The following B3GALT1 variants were observed in gnomAD, a reference collection of about 807,000 sequenced individuals.
B3GALT1 encodes beta-1,3-galactosyltransferase 1.
B3GALT1 carries 10 observed loss-of-function variants against 23.2 expected under a neutral mutation model. The ratio of observed to expected loss-of-function variants is 0.43; its 90% confidence interval spans 0.27 to 0.73. The LOEUF (loss-of-function observed/expected upper bound fraction) is 0.73, where lower values mean the gene tolerates loss of function less well. B3GALT1 is among the 30% of genes least tolerant of loss of function. The pLI is 0.21. For synonymous variants in B3GALT1, 156 were observed against 141.5 expected (o/e 1.10, Z -0.73); for missense variants, 299 against 405.4 (o/e 0.74, Z 2.25).
At chr2:167,375,572 T>G (rs753589531) in intron 1 of B3GALT1, among the ~76,000 whole-genome samples, 10 of 152,188 alleles carry the variant, frequency 6.6e-5, no homozygotes, top group Non-Finnish European at 1.3e-4. Flanking sequence ...GTTAGATATA[T>G]TCCTAGGTAT....
chr2:167,400,347 C>T (rs1197177607), intron 1 of B3GALT1, among the ~76,000 whole-genome samples: 2 of 151,998 alleles, frequency 1.3e-5, no homozygotes, highest in African/African-American at 4.8e-5. Context: ...TTTCCTCTGT[C>T]TTCCTTTTCC....
At chr2:167,567,109 C>A (rs1017093299) in intron 2 of B3GALT1, among the ~76,000 whole-genome samples, 3 of 151,998 alleles carry the variant, frequency 2.0e-5, no homozygotes, top group African/African-American at 7.3e-5. Context: ...AATGATGATC[C>A]CCTTCCTGTA....
chr2:167,512,637 C>CGTGTGTGTATAT, intron 2 of B3GALT1, among the ~76,000 whole-genome samples: 1 of 64,950 alleles, frequency 1.5e-5, no homozygotes, highest in African/African-American at 7.8e-5. Flanking sequence ...TATATATATA[C>CGTGTGTGTATAT]ATATATATAT....
At chr2:167,566,473 C>T (rs1177853303) in intron 2 of B3GALT1, among the ~76,000 whole-genome samples, 3 of 150,974 alleles carry the variant, frequency 2.0e-5, no homozygotes, top group Non-Finnish European at 4.4e-5. Context: ...GCACATTGTG[C>T]ACATGTACCC....
chr2:167,660,062 A>G (rs944807685), intron 3 of B3GALT1, among the ~76,000 whole-genome samples: 1 of 152,028 alleles, frequency 6.6e-6, no homozygotes. Context: ...CCAACTCCTC[A>G]TAGAAGGTGT....
At chr2:167,533,907 T>A (rs1683372178) in intron 2 of B3GALT1, among the ~76,000 whole-genome samples, 1 of 152,226 alleles carries the variant, frequency 6.6e-6, no homozygotes, top group African/African-American at 2.4e-5. Context: ...TAGACAGGTG[T>A]ACTATTCAAA....
intron 3 of B3GALT1, among the ~76,000 whole-genome samples, chr2:167,706,282 T>C (rs1686966385): frequency 1.3e-5 from 2 of 152,344 alleles, no homozygotes; most frequent in African/African-American, 4.8e-5. Context: ...GCAAATCGGC[T>C]AAGACTGTGT....
chr2:167,698,364 C>A (rs986471060), intron 3 of B3GALT1, among the ~76,000 whole-genome samples: 1 of 152,054 alleles, frequency 6.6e-6, no homozygotes, highest in Non-Finnish European at 1.5e-5. Context: ...ATTTTAAGAT[C>A]ATCTCCTTCC....
intron 3 of B3GALT1, chr2:167,716,105 G>C: frequency 2.0e-6 from 3 of 1,508,644 alleles, no homozygotes; most frequent in Non-Finnish European, 1.8e-6. Flanking sequence ...GTTAACACTG[G>C]CCACAACAAG....
At chr2:167,769,371 A>G (rs6741880) in intron 3 of B3GALT1, among the ~76,000 whole-genome samples, 22,176 of 152,200 alleles carry the variant, frequency 0.15, 1,838 homozygotes, top group East Asian at 0.34. Context: ...CATCAATCTC[A>G]GTGCCTTCTT....
At chr2:167,594,443 C>G (rs1023537525) in intron 2 of B3GALT1, among the ~76,000 whole-genome samples, 1 of 152,144 alleles carries the variant, frequency 6.6e-6, no homozygotes, top group Non-Finnish European at 1.5e-5. Flanking sequence ...ACTAAATACA[C>G]CATACAGTAA....
intron 3 of B3GALT1, among the ~76,000 whole-genome samples, chr2:167,746,441 C>T (rs945773850): frequency 6.6e-6 from 1 of 152,230 alleles, no homozygotes; most frequent in African/African-American, 2.4e-5. Context: ...ACATCTGTGA[C>T]AGGGCATGCA....
chr2:167,593,322 T>G (rs1236769439), intron 2 of B3GALT1, among the ~76,000 whole-genome samples: 1 of 152,150 alleles, frequency 6.6e-6, no homozygotes, highest in African/African-American at 2.4e-5. Context: ...CCCAAGATAT[T>G]ATTGACTGAA....
chr2:167,700,441 C>T (rs1015809869), intron 3 of B3GALT1, among the ~76,000 whole-genome samples: 2 of 151,896 alleles, frequency 1.3e-5, no homozygotes, highest in African/African-American at 4.8e-5. Context: ...GATATGGCCA[C>T]CTATGAAAGA....
At chr2:167,529,704 G>T (rs1273140686) in intron 2 of B3GALT1, among the ~76,000 whole-genome samples, 1 of 151,364 alleles carries the variant, frequency 6.6e-6, no homozygotes, top group Non-Finnish European at 1.5e-5. Flanking sequence ...TTTTCTTGTA[G>T]CTCACATCTC....
intron 2 of B3GALT1, among the ~76,000 whole-genome samples, chr2:167,608,315 T>C (rs920845178): frequency 5.9e-5 from 9 of 152,174 alleles, no homozygotes; most frequent in Admixed American, 1.3e-4. Context: ...GGAGGCATTT[T>C]AGTTTTTGTC....
At chr2:167,489,500 A>G (rs561745466) in intron 1 of B3GALT1, among the ~76,000 whole-genome samples, 1 of 152,294 alleles carries the variant, frequency 6.6e-6, no homozygotes, top group South Asian at 2.1e-4. Flanking sequence ...TTGAATTAGA[A>G]CAGTCTGTGA....
rs571136891 is a variant in B3GALT1, at chr2:167,623,221, G to A, written c.-409-23688G>A. Among the ~76,000 whole-genome samples the A allele has an allele frequency of 7.9e-5, 12 of 152,126 alleles. No homozygotes were observed. In the South Asian group the frequency reaches 2.5e-3, roughly 32 times the overall value. ...GTGGAAGAGTGTGGCGATTCCTCAA[G>A]GATATAGAACCAGAAATACCATTTG... On this transcript the variant is annotated intron_variant, in intron 2 of 4. Coordinates refer to ENST00000392690, the MANE Select transcript of B3GALT1 (RefSeq NM_020981.4).
At chr2:167,372,164 A>C (rs2390557) in intron 1 of B3GALT1, among the ~76,000 whole-genome samples, 65,898 of 151,774 alleles carry the variant, frequency 0.43, 18,326 homozygotes, top group Non-Finnish European at 0.62. Context: ...GATTTAGCCC[A>C]AAAATGAAAA....
Sources: allele counts gnomAD v4.1 joint callset (sites outside exome capture counted in the v4.1 genomes callset), GRCh38; gene constraint gnomAD v4.1.1; transcripts MANE v1.5; gene names NCBI Gene and HGNC (gene_info 2026-07-23, HGNC 2026-07-21).